USH2A: variants seen among roughly 807,000 people sequenced by gnomAD.
The protein encoded by USH2A is Usher syndrome 2A (autosomal recessive, mild).
In USH2A, 443 loss-of-function variants were observed where a neutral mutation model predicts 538.9. That is an observed-to-expected ratio of 0.82 (90% CI 0.76 to 0.89). The LOEUF is 0.89. USH2A is among the 40% of genes least tolerant of loss of function. USH2A has a pLI of 0.00. For missense variants in USH2A, 6,633 were observed against 6,324.8 expected, an observed-to-expected ratio of 1.05 and a Z score of -1.65; for synonymous variants, 2,413 against 2,273.5, an observed-to-expected ratio of 1.06 and a Z score of -1.75.
chr1:216,104,482 A>G lies in USH2A; in HGVS notation c.4628-7269T>C, dbSNP rs191975719. Among the ~76,000 whole-genome samples the G allele has an allele frequency of 7.9e-4, 121 of 152,280 alleles. 1 individual carries two copies. Among genetic ancestry groups the G allele is most frequent in the East Asian group, 9.6e-4 (5 of 5,190 alleles). Reference sequence around the variant, plus strand: ...AGTCTGTCATTGTTGGACATAGACCAATGGAACAGAACAGAGCCTTCAGAA... The same window carrying G: ...AGTCTGTCATTGTTGGACATAGACCGATGGAACAGAACAGAGCCTTCAGAA... On this transcript the variant is annotated intron_variant, in intron 21 of 71. Transcript: ENST00000307340.
chr1:215,675,744 T>C, intron 62 of USH2A, 128 bp from the exon 63 acceptor site: 1 of 1,530,230 alleles, frequency 6.5e-7, no homozygotes, highest in Non-Finnish European at 8.8e-7. Flanking sequence ...AGAAGTATTC[T>C]GATATTAATT....
rs540781833 is a variant in USH2A, at chr1:215,925,588, T to C, written c.7300+9028A>G. On this transcript the variant is annotated intron_variant, in intron 38 of 71. Transcript: ENST00000307340. Reference sequence around the variant, plus strand: ...GAATGCTATTCCTCACCATCCTGTATCTTCATTGTGGCTTTTACATTATAA... The same window carrying C: ...GAATGCTATTCCTCACCATCCTGTACCTTCATTGTGGCTTTTACATTATAA... Among the ~76,000 whole-genome samples the C allele has an allele frequency of 3.2e-4, 48 of 152,290 alleles. 1 individual carries two copies. In the South Asian group the frequency reaches 9.9e-3, roughly 32 times the overall value.
chr1:216,126,017 T>C (rs2033244922), intron 21 of USH2A, among the ~76,000 whole-genome samples: 1 of 152,186 alleles, frequency 6.6e-6, no homozygotes, highest in Non-Finnish European at 1.5e-5. Context: ...ATTTCAAAAA[T>C]GTGTTTTAAT....
intron 64 of USH2A, among the ~76,000 whole-genome samples, chr1:215,668,574 C>A (rs1212875348): frequency 6.6e-6 from 1 of 152,104 alleles, no homozygotes; most frequent in Non-Finnish European, 1.5e-5. Flanking sequence ...AGGAGTGTAA[C>A]ACAGAGCCGA....
chr1:216,089,056 C>T lies in USH2A; in HGVS notation c.4842G>A (p.Arg1614=), dbSNP rs2032220342. 1 of 1,613,454 alleles carries T rather than the reference C, an allele frequency of 6.2e-7. No individual in the cohort carries two copies. The highest frequency in any genetic ancestry group is 1.1e-5 in the South Asian group (1 of 91,074). Residue 1614 remains arginine (R), a synonymous_variant, in exon 23 of 72, where the codon AGG becomes AGA. Coordinates refer to ENST00000307340, the MANE Select transcript of USH2A (RefSeq NM_206933.4). ...DGKWHEIIAI[R]HQAFGQITLD... ...GAGTGATTTGGCCAAAAGCCTGATG[C>T]CTAATAGCAATTATTTCATGCCATT...
At chr1:215,845,437 A>G (rs1035308505) in intron 45 of USH2A, among the ~76,000 whole-genome samples, 19 of 152,170 alleles carry the variant, frequency 1.2e-4, no homozygotes, top group African/African-American at 4.1e-4. Flanking sequence ...ACTTCCACCT[A>G]CCATTTCTGG....
intron 44 of USH2A, among the ~76,000 whole-genome samples, chr1:215,849,761 T>A (rs973208288): frequency 5.9e-5 from 9 of 152,178 alleles, no homozygotes; most frequent in African/African-American, 2.2e-4. Flanking sequence ...AGCTTCAAAC[T>A]TCTTATGTGG....
At chr1:216,042,831 C>T (rs971667613) in intron 32 of USH2A, among the ~76,000 whole-genome samples, 1 of 151,984 alleles carries the variant, frequency 6.6e-6, no homozygotes. Context: ...GAGTGGGAAC[C>T]TCATCCAATA....
chr1:215,841,655 A>C (rs1663677674), intron 46 of USH2A, among the ~76,000 whole-genome samples: 1 of 152,230 alleles, frequency 6.6e-6, no homozygotes, highest in African/African-American at 2.4e-5. Flanking sequence ...CATGACAAAA[A>C]CATCAAAAAC....
chr1:216,267,017 A>G (rs1005195643), intron 11 of USH2A, among the ~76,000 whole-genome samples: 2 of 152,096 alleles, frequency 1.3e-5, no homozygotes, highest in African/African-American at 4.8e-5. Context: ...TCTGTGTATA[A>G]TTGGTATTTG....
intron 40 of USH2A, among the ~76,000 whole-genome samples, chr1:215,891,539 G>T (rs1214555667): frequency 6.6e-6 from 1 of 152,132 alleles, no homozygotes; most frequent in African/African-American, 2.4e-5. Context: ...ACTATAATTG[G>T]GGTAGTTTGC....
intron 4 of USH2A, among the ~76,000 whole-genome samples, chr1:216,336,602 C>T (rs769059658): frequency 4.0e-5 from 6 of 151,354 alleles, no homozygotes; most frequent in Non-Finnish European, 8.9e-5. Flanking sequence ...AATGAAAATG[C>T]TGATAATAAA....
intron 61 of USH2A, among the ~76,000 whole-genome samples, chr1:215,707,072 A>T (rs1191319402): frequency 1.3e-5 from 2 of 152,162 alleles, no homozygotes; most frequent in African/African-American, 2.4e-5. Context: ...TTTTTCCACA[A>T]TCATTTTTAT....
intron 38 of USH2A, among the ~76,000 whole-genome samples, chr1:215,920,090 A>G (rs982998037): frequency 2.7e-5 from 2 of 74,222 alleles, no homozygotes; most frequent in African/African-American, 1.0e-4. Flanking sequence ...AATGAGAAAA[A>G]AAATGTACAT....
At chr1:215,977,096 T>A (rs1332863840) in intron 35 of USH2A, among the ~76,000 whole-genome samples, 1 of 151,880 alleles carries the variant, frequency 6.6e-6, no homozygotes, top group African/African-American at 2.4e-5. Flanking sequence ...CACCTCTATG[T>A]ACACAAACTA....
chr1:216,008,129 T>G (rs1230857270), intron 32 of USH2A, among the ~76,000 whole-genome samples: 1 of 152,186 alleles, frequency 6.6e-6, no homozygotes, highest in Non-Finnish European at 1.5e-5. Flanking sequence ...GAAATCTGAC[T>G]GCTATGTCGT....
chr1:216,320,865 C>A (rs1478723146), intron 9 of USH2A, among the ~76,000 whole-genome samples: 1 of 152,032 alleles, frequency 6.6e-6, no homozygotes, highest in African/African-American at 2.4e-5. Context: ...ATCAATCCAT[C>A]ATTTATCACT....
chr1:216,242,804 T>A (rs1441468919), intron 13 of USH2A, among the ~76,000 whole-genome samples: 1 of 152,174 alleles, frequency 6.6e-6, no homozygotes, highest in East Asian at 1.9e-4. Context: ...GAAAGAAACA[T>A]AATTGAGTAG....
intron 3 of USH2A, among the ~76,000 whole-genome samples, chr1:216,375,253 T>C (rs1412863667): frequency 6.6e-6 from 1 of 152,188 alleles, no homozygotes; most frequent in Non-Finnish European, 1.5e-5. Flanking sequence ...TCTCTAGCTA[T>C]GAAAGTCCTA....
Sources: allele counts gnomAD v4.1 joint callset (sites outside exome capture counted in the v4.1 genomes callset), GRCh38; gene constraint gnomAD v4.1.1; transcripts MANE v1.5; gene names NCBI Gene and HGNC (gene_info 2026-07-23, HGNC 2026-07-21).